DENND1A: variants seen among roughly 807,000 people sequenced by gnomAD.
The protein encoded by DENND1A is DENN domain-containing protein 1A.
In DENND1A, 51 loss-of-function variants were observed where a neutral mutation model predicts 113.7. The ratio of observed to expected loss-of-function variants is 0.45; its 90% confidence interval spans 0.36 to 0.57. The LOEUF (loss-of-function observed/expected upper bound fraction) is 0.57. Among genes scored for constraint, DENND1A ranks in the 20% least tolerant of loss-of-function variants. The pLI, the probability that DENND1A is intolerant of heterozygous loss-of-function variation, is 0.00. For synonymous variants in DENND1A, 565 were observed against 570.8 expected (o/e 0.99, Z 0.14); for missense variants, 1,258 against 1,395.9 (o/e 0.90, Z 1.57).
chr9:123,582,918 C>T (rs1191230101), intron 12 of DENND1A, among the ~76,000 whole-genome samples: 3 of 151,526 alleles, frequency 2.0e-5, no homozygotes, highest in South Asian at 2.1e-4. Flanking sequence ...AGGCTGGTCT[C>T]GAACTCCTGA....
chr9:123,410,957 C>T (rs143155323), intron 20 of DENND1A, among the ~76,000 whole-genome samples: 59 of 152,246 alleles, frequency 3.9e-4, no homozygotes, highest in African/African-American at 1.3e-3. Flanking sequence ...CCAAGGAAAA[C>T]GACTCCACTG....
At chr9:123,585,312 C>T (rs1004904495) in intron 11 of DENND1A, among the ~76,000 whole-genome samples, 7 of 152,172 alleles carry the variant, frequency 4.6e-5, no homozygotes, top group Non-Finnish European at 8.8e-5. Flanking sequence ...TCCTCCAAAC[C>T]CCAACACCCA....
At chr9:123,831,964 C>A (rs1339442176) in intron 2 of DENND1A, among the ~76,000 whole-genome samples, 1 of 151,936 alleles carries the variant, frequency 6.6e-6, no homozygotes, top group Non-Finnish European at 1.5e-5. Flanking sequence ...GCCTGGGCAA[C>A]AGAGTGAGAC....
At chr9:123,606,402 C>T (rs1198161456) in intron 11 of DENND1A, among the ~76,000 whole-genome samples, 1 of 152,214 alleles carries the variant, frequency 6.6e-6, no homozygotes, top group Non-Finnish European at 1.5e-5. Context: ...CTATCTGGGC[C>T]AGTGCTTCCT....
intron 13 of DENND1A, among the ~76,000 whole-genome samples, chr9:123,495,729 T>C (rs1389405009): frequency 6.6e-6 from 1 of 152,212 alleles, no homozygotes; most frequent in Non-Finnish European, 1.5e-5. Context: ...CCATCCTTTT[T>C]CTTCTAACTC....
At position 123,457,901 on chromosome 9, in the gene DENND1A, G is replaced by A. The variant is rs775173553; in HGVS notation, c.994-4C>T. 40 of 1,606,642 alleles carry A rather than the reference G, an allele frequency of 2.5e-5. No homozygotes were observed. Among genetic ancestry groups the A allele is most frequent in the Non-Finnish European group, 3.1e-5 (37 of 1,176,592 alleles). ...CACAGAAAGTGATCGGCTCCTCCTG[G>A]GAAGTGCAGAGGGGAGAGGTGGGTC... On this transcript the variant is annotated splice_polypyrimidine_tract_variant and splice_region_variant and intron_variant, in intron 13 of 23. Coordinates refer to ENST00000394215, the MANE Select transcript of DENND1A (RefSeq NM_001352964.2).
At chr9:123,749,164 A>G (rs1408817726) in intron 5 of DENND1A, among the ~76,000 whole-genome samples, 1 of 152,156 alleles carries the variant, frequency 6.6e-6, no homozygotes, top group African/African-American at 2.4e-5. Flanking sequence ...ACTGTCATTC[A>G]CCAGCCAAAG....
chr9:123,619,778 A>G lies in DENND1A; in HGVS notation c.720-10297T>C, dbSNP rs143125990. On this transcript the variant is annotated intron_variant, in intron 10 of 23. Coordinates refer to ENST00000394215, the MANE Select transcript of DENND1A (RefSeq NM_001352964.2). Reference sequence around the variant, plus strand: ...GTATGTGGATTAAATTTCAACTTAAAAAATGTAGCAGAGAAATTGAAAAGA... The same window carrying G: ...GTATGTGGATTAAATTTCAACTTAAGAAATGTAGCAGAGAAATTGAAAAGA... 2.5e-3 allele frequency among the ~76,000 whole-genome samples: 379 copies of G among 152,304 alleles called. 1 individual carries two copies. The highest frequency in any genetic ancestry group is 8.7e-3 in the African/African-American group (362 of 41,566).
chr9:123,902,083 C>T (rs773502180), intron 1 of DENND1A, among the ~76,000 whole-genome samples: 5 of 151,672 alleles, frequency 3.3e-5, no homozygotes, highest in African/African-American at 4.8e-5. Context: ...GCCCTCATGA[C>T]CTCTCTTCTA....
intron 19 of DENND1A, among the ~76,000 whole-genome samples, chr9:123,428,943 AT>A (rs1432514097): frequency 6.6e-6 from 1 of 152,244 alleles, no homozygotes; most frequent in Non-Finnish European, 1.5e-5. Flanking sequence ...AAGAATCAAT[AT>A]CATGAAAATG....
chr9:123,708,324 T>G (rs1167890642), intron 5 of DENND1A, among the ~76,000 whole-genome samples: 1 of 152,164 alleles, frequency 6.6e-6, no homozygotes, highest in Non-Finnish European at 1.5e-5. Flanking sequence ...TAATTATGTA[T>G]AAGAGTTCTA....
At chr9:123,800,742 A>G (rs1420650502) in intron 2 of DENND1A, among the ~76,000 whole-genome samples, 1 of 152,248 alleles carries the variant, frequency 6.6e-6, no homozygotes, top group Non-Finnish European at 1.5e-5. Flanking sequence ...ACTCCAAAGT[A>G]ACTGGCACTC....
At chr9:123,656,158 G>C (rs1299832503) in intron 8 of DENND1A, among the ~76,000 whole-genome samples, 4 of 152,208 alleles carry the variant, frequency 2.6e-5, no homozygotes, top group Non-Finnish European at 5.9e-5. Flanking sequence ...GGTTCACTCA[G>C]TGGACCAGGG....
Position 123,457,786 on chromosome 9 carries a change from G to T in DENND1A, c.1098+7C>A, listed in dbSNP as rs1430780725. ...CCAGACCCAGGCCAGACCAGGGAGG[G>T]AGGCACCTGCTTGAAGAGCTGCAGC... is the stretch of plus-strand genomic sequence containing the variant. On this transcript the variant is annotated splice_region_variant and intron_variant, in intron 14 of 23. Coordinates refer to ENST00000394215, the MANE Select transcript of DENND1A (RefSeq NM_001352964.2). 1 of 1,604,250 alleles carries T rather than the reference G, an allele frequency of 6.2e-7. No individual in the cohort carries two copies.
At chr9:123,392,157 C>T (rs2042887988) in intron 21 of DENND1A, among the ~76,000 whole-genome samples, 1 of 152,192 alleles carries the variant, frequency 6.6e-6, no homozygotes, top group Non-Finnish European at 1.5e-5. Context: ...CGTCAGGAAG[C>T]AGGGACGTGC....
chr9:123,791,864 C>T (rs1833035110), intron 3 of DENND1A, among the ~76,000 whole-genome samples: 1 of 152,116 alleles, frequency 6.6e-6, no homozygotes, highest in Non-Finnish European at 1.5e-5. Context: ...CATATTTGAA[C>T]TAAAAATGTA....
intron 5 of DENND1A, among the ~76,000 whole-genome samples, chr9:123,735,921 C>T (rs752497395): frequency 2.0e-5 from 3 of 152,138 alleles, no homozygotes; most frequent in South Asian, 2.1e-4. Flanking sequence ...ATTGCTTGAA[C>T]CTGGGAGGCA....
At chr9:123,674,575 C>T (rs932728481) in intron 6 of DENND1A, among the ~76,000 whole-genome samples, 4 of 152,182 alleles carry the variant, frequency 2.6e-5, no homozygotes, top group Admixed American at 2.0e-4. Flanking sequence ...TCATCTGTGT[C>T]ATAATTCTTT....
intron 10 of DENND1A, among the ~76,000 whole-genome samples, chr9:123,629,609 T>C (rs1443627150): frequency 6.6e-6 from 1 of 152,226 alleles, no homozygotes; most frequent in Non-Finnish European, 1.5e-5. Context: ...GTAAACAAAG[T>C]CTTAAAGCCA....
Sources: allele counts gnomAD v4.1 joint callset (sites outside exome capture counted in the v4.1 genomes callset), GRCh38; gene constraint gnomAD v4.1.1; transcripts MANE v1.5; gene names NCBI Gene and HGNC (gene_info 2026-07-23, HGNC 2026-07-21).